Variants in F8 observed in about 807,000 individuals in gnomAD.
F8 encodes the protein coagulation factor VIII.
A neutral mutation model predicts 140.6 loss-of-function variants in F8; 12 were observed. The observed-to-expected ratio is 0.09, with a 90% CI of 0.05 to 0.14. The LOEUF (loss-of-function observed/expected upper bound fraction) is 0.14. Ranked by LOEUF, F8 falls within the 10% of genes least tolerant of loss-of-function variation. The pLI, the probability that F8 is intolerant of heterozygous loss-of-function variation, is 1.00. For synonymous variants in F8, 585 were observed against 614.6 expected (o/e 0.95, Z 0.71); for missense variants, 1,354 against 1,720.7 (o/e 0.79, Z 3.77).
chrX:154,875,838 C>G (rs989296329), intron 22 of F8, among the ~76,000 whole-genome samples: 12 of 109,926 alleles, frequency 1.1e-4, no homozygotes, highest in Admixed American at 9.8e-4. Flanking sequence ...ATTAATGAGA[C>G]ACGTTAGTAT....
chrX:154,844,554 T>C (rs1160826078), intron 25 of F8, among the ~76,000 whole-genome samples: 3 of 110,467 alleles, frequency 2.7e-5, no homozygotes, highest in Non-Finnish European at 5.7e-5. Context: ...TTTGAAGCAA[T>C]TGTGAATGGG....
chrX:154,905,252 A>G (rs1387149641), intron 15 of F8, among the ~76,000 whole-genome samples: 2 of 111,280 alleles, frequency 1.8e-5, no homozygotes, highest in Admixed American at 1.9e-4. Flanking sequence ...GCAAAGGAGA[A>G]AATTCCTAAA....
At chrX:154,858,654 T>G (rs1195903247) in intron 25 of F8, among the ~76,000 whole-genome samples, 3 of 112,096 alleles carry the variant, frequency 2.7e-5, no homozygotes, top group Admixed American at 9.4e-5. Flanking sequence ...TTGGGTCACC[T>G]CATCAGGTAA....
At chrX:155,019,521 C>T (rs782449083) in intron 1 of F8, among the ~76,000 whole-genome samples, 1 of 110,956 alleles carries the variant, frequency 9.0e-6, no homozygotes, top group African/African-American at 3.3e-5. Context: ...TGGCTGGGTG[C>T]GGTGGCTCAA....
At chrX:154,862,860 T>C (rs1372619363) in intron 23 of F8, among the ~76,000 whole-genome samples, 1 of 112,130 alleles carries the variant, frequency 8.9e-6, no homozygotes, top group Non-Finnish European at 1.9e-5. Context: ...CGTGCATGTG[T>C]CTTTATGACA....
chrX:154,994,557 G>C (rs115571730), intron 3 of F8, among the ~76,000 whole-genome samples: 1 of 111,870 alleles, frequency 8.9e-6, no homozygotes, highest in African/African-American at 3.3e-5. Flanking sequence ...AAGAAATTTG[G>C]CTTGTAGTCC....
At chrX:154,869,152 C>A (rs900586240) in intron 22 of F8, among the ~76,000 whole-genome samples, 8 of 111,241 alleles carry the variant, frequency 7.2e-5, no homozygotes, top group African/African-American at 2.6e-4. Flanking sequence ...AGAAAATTAA[C>A]AAGGATATTC....
chrX:154,897,667 C>A lies in F8; in HGVS notation c.6274-1435G>T, dbSNP rs955598468. ...GTATTGTGGCATAAAAAAGTGAAAG[C>A]ACCAGGCACAAAAATCATGATTTCT... is the stretch of plus-strand genomic sequence containing the variant. On this transcript the variant is annotated intron_variant, in intron 21 of 25. Coordinates refer to ENST00000360256, the MANE Select transcript of F8 (RefSeq NM_000132.4). 9.8e-5 allele frequency: 11 copies of A among 111,977 alleles called. 1 individual carries two copies. The highest frequency in any genetic ancestry group is 1.9e-4 in the Admixed American group (2 of 10,562). 9.2% of individuals were successfully genotyped at this position (111,977 alleles called of 1,213,427 possible).
chrX:154,903,147 A>G lies in F8; in HGVS notation c.5998+759T>C, dbSNP rs1375289271. 2.7e-5 allele frequency among the ~76,000 whole-genome samples: 3 copies of G among 111,443 alleles called. No homozygotes were observed. In the Admixed American group the frequency reaches 2.9e-4, roughly 11 times the overall value. ...CTTATCAGAATTTTTACGAAGAAAT[A>G]AGGAAAGTTTACCCCCGCTATTAAA... On this transcript the variant is annotated intron_variant, in intron 18 of 25. Coordinates refer to ENST00000360256, the MANE Select transcript of F8 (RefSeq NM_000132.4).
Position 154,929,413 on chromosome X carries a change from T to G in F8, c.4377A>C (p.Lys1459Asn), listed in dbSNP as rs2124048732. 1 of 1,211,675 alleles carries G rather than the reference T, an allele frequency of 8.3e-7. No homozygotes were observed. The highest frequency in any genetic ancestry group is 3.0e-5 in the East Asian group (1 of 33,858). The change falls in exon 14 of 26, where the codon AAA (lysine) becomes AAC (asparagine). Residue 1459 changes from lysine to asparagine, a missense_variant. By Grantham distance (94) the Lys-to-Asn change is moderately conservative. This residue lies in a region of F8 where 658 missense variants were observed against 666.5 expected (regional missense o/e 0.99). Coordinates refer to ENST00000360256, the MANE Select transcript of F8 (RefSeq NM_000132.4). The stretch of plus-strand genomic sequence containing the variant: ...TTAGAATGGCTAAAGAAAGGTTATT[T>G]TTTTTGGCTCCTTGTAAGAAATGAC... ...ESSHFLQGAKKNNLSLAILTL... is the reference protein window; with the variant it reads ...ESSHFLQGAKNNNLSLAILTL...
chrX:154,955,705 G>T (rs1457197915), intron 11 of F8, among the ~76,000 whole-genome samples: 9 of 111,039 alleles, frequency 8.1e-5, no homozygotes, highest in Non-Finnish European at 1.7e-4. Flanking sequence ...AGGGGAGGGA[G>T]TGTACGAATA....
In F8 at chrX:154,972,707, C is replaced by CTTTTTT. The variant is rs1184930129; in HGVS notation, c.788-3161_788-3156dup. On this transcript the variant is annotated intron_variant, in intron 6 of 25. Coordinates refer to ENST00000360256, the MANE Select transcript of F8 (RefSeq NM_000132.4). ...GTTCTTTTCTTTTCTTTCTGTCTTT[C>CTTTTTT]TTTTTTTTTTTTTTTTTTTTTTTTT... Among the ~76,000 whole-genome samples the CTTTTTT allele has an allele frequency of 5.1e-4, 28 of 55,279 alleles. 2 individuals are homozygous for CTTTTTT. The highest frequency in any genetic ancestry group is 1.1e-3 in the African/African-American group (16 of 14,658). 48.0% of individuals were successfully genotyped at this position (55,279 alleles called of 115,157 possible).
chrX:154,898,089 G>A (rs1038047821), intron 21 of F8: 9 of 111,942 alleles, frequency 8.0e-5, no homozygotes, highest in Non-Finnish European at 1.5e-4. Flanking sequence ...CTGCAGCTGC[G>A]TATCTCCATG....
At chrX:154,845,192 G>T (rs1438760002) in intron 25 of F8, among the ~76,000 whole-genome samples, 3 of 111,796 alleles carry the variant, frequency 2.7e-5, no homozygotes, top group Non-Finnish European at 5.6e-5. Flanking sequence ...GATTTGGTTT[G>T]CCAGTATTTT....
In F8 at chrX:154,912,820, G is replaced by C. The variant is rs782165644; in HGVS notation, c.5220-6247C>G. On this transcript the variant is annotated intron_variant, in intron 14 of 25. Coordinates refer to ENST00000360256, the MANE Select transcript of F8 (RefSeq NM_000132.4). The stretch of plus-strand genomic sequence containing the variant: ...AGGAAACTTACAATCATGGTGGAAG[G>C]TGAAGGGGAAGCAAGGCACCTTTTT... Among the ~76,000 whole-genome samples, 4 of 111,955 alleles carry C rather than the reference G, an allele frequency of 3.6e-5. No homozygotes were observed. In the South Asian group the frequency reaches 1.5e-3, roughly 42 times the overall value.
Position 154,928,876 on chromosome X carries a change from C to T in F8, c.4914G>A (p.Lys1638=). The change falls in exon 14 of 26, where the codon AAG becomes AAA. Residue 1638 remains lysine (K), a synonymous_variant. Coordinates refer to ENST00000360256, the MANE Select transcript of F8 (RefSeq NM_000132.4). The part of the protein sequence containing the change: ...AIAAINEGQN[K]PEIEVTWAKQ... ...TTGCCCAGGTGACTTCTATTTCGGG[C>T]TTATTTTGTCCCTCATTTATTGCTG... The T allele has an allele frequency of 8.3e-7, 1 of 1,211,773 alleles. No individual in the cohort carries two copies. The highest frequency in any genetic ancestry group is 1.1e-6 in the Non-Finnish European group (1 of 895,536).
chrX:154,863,353 A>T lies in F8; in HGVS notation c.6430-126T>A, dbSNP rs1286994955. ...CAACAGCATCCAACATCTACATAAG[A>T]CAACTATGGTTAGATGGATGTTACG... On this transcript the variant is annotated intron_variant, in intron 22 of 25. Coordinates refer to ENST00000360256, the MANE Select transcript of F8 (RefSeq NM_000132.4). The T allele has an allele frequency of 6.6e-6, 4 of 606,902 alleles. No individual in the cohort carries two copies. The African/African-American group carries it at 8.9e-5, about 13-fold the overall frequency. 50.0% of individuals were successfully genotyped at this position (606,902 alleles called of 1,213,427 possible). A position where few individuals can be genotyped will look rare whatever the true frequency, so the allele number is the denominator to read the frequency against.
rs1383986418 is a variant in F8, at chrX:154,929,443, T to G, written c.4347A>C (p.Glu1449Asp). The G allele has an allele frequency of 8.3e-7, 1 of 1,210,049 alleles. No individual in the cohort carries two copies. The highest frequency in any genetic ancestry group is 1.1e-6 in the Non-Finnish European group (1 of 895,206). Reference protein sequence around the residue: ...SYRKKDSGVQESSHFLQGAKK... With the variant: ...SYRKKDSGVQDSSHFLQGAKK... ...TGGCTCCTTGTAAGAAATGACTGCT[T>G]TCTTGGACCCCAGAATCTTTCTTTC... The change falls in exon 14 of 26, where the codon GAA becomes GAC. Residue 1449 changes from glutamate to aspartate, a missense_variant. Coordinates refer to ENST00000360256, the MANE Select transcript of F8 (RefSeq NM_000132.4).
intron 22 of F8, among the ~76,000 whole-genome samples, chrX:154,869,760 G>T (rs782460114): frequency 4.5e-5 from 5 of 111,102 alleles, no homozygotes; most frequent in East Asian, 5.6e-4. Flanking sequence ...CCAGGAGCTG[G>T]TTTTTTTGAA....
Sources: allele counts gnomAD v4.1 joint callset (sites outside exome capture counted in the v4.1 genomes callset), GRCh38; gene constraint gnomAD v4.1.1; regional missense constraint gnomAD v4.1.1; transcripts MANE v1.5; gene names NCBI Gene and HGNC (gene_info 2026-07-23, HGNC 2026-07-21).